Variants in ROCK1 observed in about 807,000 individuals in gnomAD.
The protein encoded by ROCK1 is rho-associated protein kinase 1.
Under a neutral mutation model 196.8 loss-of-function variants are expected in ROCK1, and 36 were observed. That is an observed-to-expected ratio of 0.18 (90% CI 0.14 to 0.24). The LOEUF is 0.24. Ranked by LOEUF, ROCK1 falls within the 10% of genes least tolerant of loss-of-function variation. ROCK1 has a pLI of 1.00. For synonymous variants in ROCK1, 443 were observed against 515.9 expected (o/e 0.86, Z 1.91); for missense variants, 920 against 1,562.0 (o/e 0.59, Z 6.93).
intron 1 of ROCK1, among the ~76,000 whole-genome samples, chr18:21,076,229 C>T (rs2036430062): frequency 6.6e-6 from 1 of 152,130 alleles, no homozygotes; most frequent in South Asian, 2.1e-4. Flanking sequence ...GTTAAATGGG[C>T]TAGGTGGCTC....
rs1362177311 is a variant in ROCK1 at position 21,034,013 on chromosome 18, G to A, written c.1052-5078C>T. On this transcript the variant is annotated intron_variant, in intron 9 of 32. Transcript: ENST00000399799. ...CGAGCCACTGTACTCCAGCCTGGGC[G>A]ACAGAGCGAGACTCCATCTCAAAAA... Among the ~76,000 whole-genome samples the A allele has an allele frequency of 7.6e-5, 10 of 132,426 alleles. 1 individual carries two copies. The highest frequency in any genetic ancestry group is 4.8e-4 in the South Asian group (2 of 4,206). The allele number at this position is 132,426 out of a possible 152,430, so 86.9% of individuals were successfully genotyped here.
Position 21,042,624 on chromosome 18 carries a change from T to A in ROCK1, c.761A>T (p.Tyr254Phe). The A allele has an allele frequency of 6.2e-7, 1 of 1,614,014 alleles. No homozygotes were observed. Among genetic ancestry groups the A allele is most frequent in the Non-Finnish European group, 8.5e-7 (1 of 1,179,922 alleles). The change falls in exon 7 of 33, where the codon TAT becomes TTT. Residue 254 changes from tyrosine to phenylalanine, a missense_variant. Tyr to Phe is a conservative substitution (Grantham distance 22). Around this residue, in one of 6 missense-constraint regions of ROCK1, gnomAD observed 234 missense variants for 460.7 expected, o/e 0.51. Transcript: ENST00000399799. ...CCACCAGTCACATTCTCTTCCATAA[T>A]AACCATCACCACCTTGGGATTTTAA... ...EVLKSQGGDG[Y>F]YGRECDWWSV...
intron 6 of ROCK1, among the ~76,000 whole-genome samples, chr18:21,043,566 TATAC>T (rs1009966355): frequency 7.1e-6 from 1 of 140,446 alleles, no homozygotes; most frequent in Non-Finnish European, 1.5e-5. Context: ...TGTATATACA[TATAC>T]ATAATGTATA....
At chr18:21,038,857 C>T (rs1454548332) in intron 9 of ROCK1, among the ~76,000 whole-genome samples, 1 of 152,154 alleles carries the variant, frequency 6.6e-6, no homozygotes, top group Non-Finnish European at 1.5e-5. Flanking sequence ...TTTGATTCAG[C>T]TATGTTGTAG....
chr18:20,999,918 C>T (rs184546690), intron 16 of ROCK1, among the ~76,000 whole-genome samples: 71 of 152,224 alleles, frequency 4.7e-4, no homozygotes, highest in African/African-American at 1.5e-3. Context: ...GAGCCACTGG[C>T]GCCTGGCTGG....
At chr18:21,104,953 T>C (rs561665241) in intron 1 of ROCK1, among the ~76,000 whole-genome samples, 1 of 152,344 alleles carries the variant, frequency 6.6e-6, no homozygotes, top group Admixed American at 6.5e-5. Flanking sequence ...AGATTATGAA[T>C]TTATGAGCGG....
chr18:20,955,828 G>A (rs1488243904), intron 29 of ROCK1, among the ~76,000 whole-genome samples: 6 of 149,290 alleles, frequency 4.0e-5, no homozygotes, highest in African/African-American at 1.5e-4. Flanking sequence ...GGGAAAAAAA[G>A]CTGATCAGAA....
At chr18:21,055,238 T>C (rs1040663988) in intron 2 of ROCK1, among the ~76,000 whole-genome samples, 3 of 152,204 alleles carry the variant, frequency 2.0e-5, no homozygotes, top group African/African-American at 7.2e-5. Context: ...TCACAATGAC[T>C]GATCCTATTT....
At chr18:21,085,229 T>C (rs2036516188) in intron 1 of ROCK1, among the ~76,000 whole-genome samples, 1 of 149,840 alleles carries the variant, frequency 6.7e-6, no homozygotes, top group South Asian at 2.1e-4. Context: ...TCAGGAACAG[T>C]TAAAACGGAG....
chr18:20,963,395 T>G (rs1201543992), intron 27 of ROCK1, among the ~76,000 whole-genome samples: 1 of 152,070 alleles, frequency 6.6e-6, no homozygotes, highest in Non-Finnish European at 1.5e-5. Flanking sequence ...CAAAACACTT[T>G]AATTAAATTC....
intron 11 of ROCK1, among the ~76,000 whole-genome samples, 180 bp from the exon 12 acceptor site, chr18:21,020,419 G>A (rs952839770): frequency 9.9e-5 from 15 of 151,722 alleles, no homozygotes; most frequent in Non-Finnish European, 1.9e-4. Flanking sequence ...TTTACTAAAC[G>A]TTAGGCCATT....
At chr18:21,003,401 T>G (rs2143431649) in intron 16 of ROCK1, among the ~76,000 whole-genome samples, 1 of 152,262 alleles carries the variant, frequency 6.6e-6, no homozygotes, top group East Asian at 1.9e-4. Flanking sequence ...AAGAACAAAT[T>G]ATGAGACTAC....
At chr18:20,965,535 G>A (rs542533001) in intron 27 of ROCK1, among the ~76,000 whole-genome samples, 23 of 152,206 alleles carry the variant, frequency 1.5e-4, no homozygotes, top group East Asian at 5.8e-4. Flanking sequence ...GGTTAATGAA[G>A]TGGGAATCTA....
chr18:21,104,455 G>T (rs1395727354), intron 1 of ROCK1, among the ~76,000 whole-genome samples: 1 of 152,058 alleles, frequency 6.6e-6, no homozygotes, highest in Non-Finnish European at 1.5e-5. Context: ...AAATTAGCCG[G>T]GTGCGGTGGC....
At chr18:21,041,118 C>CTCAA (rs1327706646) in intron 8 of ROCK1, among the ~76,000 whole-genome samples, 3 of 150,448 alleles carry the variant, frequency 2.0e-5, no homozygotes, top group African/African-American at 4.9e-5. Context: ...GAGACTCTGT[C>CTCAA]TCAATCAATC....
intron 14 of ROCK1, among the ~76,000 whole-genome samples, chr18:21,007,423 A>G (rs2035777778): frequency 6.6e-6 from 1 of 152,194 alleles, no homozygotes; most frequent in Admixed American, 6.5e-5. Context: ...AAAATTTATT[A>G]CAGCATTCAT....
At position 20,968,672 on chromosome 18, in the gene ROCK1, A is replaced by G. The variant is rs1407825207; in HGVS notation, c.3003+100T>C. On this transcript the variant is annotated intron_variant, in intron 25 of 32. Coordinates refer to ENST00000399799, the MANE Select transcript of ROCK1 (RefSeq NM_005406.3). ...GGAGAGAATTTATTTGTTCTGATGA[A>G]AAGCTTGAACCTTATAAGCCTTGGT... 8.4e-6 allele frequency: 6 copies of G among 712,232 alleles called. No homozygotes were observed. In the East Asian group the frequency reaches 1.6e-4, roughly 19 times the overall value. 44.1% of individuals were successfully genotyped at this position (712,232 alleles called of 1,614,324 possible).
At chr18:20,975,382 T>G (rs1340201438) in intron 22 of ROCK1, among the ~76,000 whole-genome samples, 1 of 152,142 alleles carries the variant, frequency 6.6e-6, no homozygotes, top group Non-Finnish European at 1.5e-5. Context: ...AGTGACTAAT[T>G]GGTTTGTTGA....
At chr18:21,020,306 T>G in intron 11 of ROCK1, 67 bp from the exon 12 acceptor site, 1 of 781,818 alleles carries the variant, frequency 1.3e-6, no homozygotes, top group Non-Finnish European at 1.9e-6. Flanking sequence ...AAATATCAAG[T>G]CTATGTTAAT....
Sources: allele counts gnomAD v4.1 joint callset (sites outside exome capture counted in the v4.1 genomes callset), GRCh38; gene constraint gnomAD v4.1.1; regional missense constraint gnomAD v4.1.1; transcripts MANE v1.5; gene names NCBI Gene and HGNC (gene_info 2026-07-23, HGNC 2026-07-21).